The following PPP1R12A variants were observed in gnomAD, a reference collection of about 807,000 sequenced individuals.
PPP1R12A encodes protein phosphatase 1 regulatory subunit 12A, also known as myosin binding subunit.
In PPP1R12A, 19 loss-of-function variants were observed where a neutral mutation model predicts 139.6. The observed-to-expected ratio is 0.14, with a 90% CI of 0.09 to 0.20. The LOEUF (loss-of-function observed/expected upper bound fraction) is 0.20. Among genes scored for constraint, PPP1R12A ranks in the 10% least tolerant of loss-of-function variants. PPP1R12A has a pLI of 1.00. For missense variants in PPP1R12A, 925 were observed against 1,211.5 expected (o/e 0.76, Z 3.51); for synonymous variants, 427 against 420.6 (o/e 1.02, Z -0.19).
chr12:79,920,131 T>C (rs1887325092), intron 1 of PPP1R12A, among the ~76,000 whole-genome samples: 1 of 152,258 alleles, frequency 6.6e-6, no homozygotes, highest in Admixed American at 6.5e-5. Context: ...ATACACCATG[T>C]GGTCTTTTGT....
At chr12:79,797,139 G>T in intron 16 of PPP1R12A, 56 bp downstream of exon 16, 3 of 1,421,914 alleles carry the variant, frequency 2.1e-6, no homozygotes, top group Non-Finnish European at 2.9e-6. Context: ...GTATGTTAAG[G>T]ATCATAAGGA....
chr12:79,867,677 C>A (rs937421554), intron 2 of PPP1R12A, among the ~76,000 whole-genome samples: 3 of 152,024 alleles, frequency 2.0e-5, no homozygotes, highest in African/African-American at 7.2e-5. Flanking sequence ...TGTGTCCTTA[C>A]CCAAATCTCA....
intron 4 of PPP1R12A, among the ~76,000 whole-genome samples, chr12:79,830,406 C>T (rs1409016112): frequency 1.3e-5 from 2 of 151,992 alleles, no homozygotes; most frequent in East Asian, 1.9e-4. Context: ...AAGCATATAC[C>T]ATAATTTATT....
intron 1 of PPP1R12A, among the ~76,000 whole-genome samples, chr12:79,922,669 A>C (rs1887528378): frequency 6.6e-6 from 1 of 152,038 alleles, no homozygotes; most frequent in Non-Finnish European, 1.5e-5. Flanking sequence ...GGACCATCAC[A>C]CACTGGGGCC....
At chr12:79,817,330 G>C in intron 9 of PPP1R12A, 64 bp downstream of exon 9, 1 of 1,462,120 alleles carries the variant, frequency 6.8e-7, no homozygotes, top group Non-Finnish European at 9.3e-7. Context: ...TTACTTTAAT[G>C]AGTTAGTCCA....
At chr12:79,890,697 T>C (rs747929935) in intron 1 of PPP1R12A, among the ~76,000 whole-genome samples, 77 of 152,240 alleles carry the variant, frequency 5.1e-4, no homozygotes, top group Middle Eastern at 3.4e-3. Context: ...AACTTACTTT[T>C]TAACATAAAG....
At chr12:79,898,314 G>A (rs1468300758) in intron 1 of PPP1R12A, among the ~76,000 whole-genome samples, 1 of 152,108 alleles carries the variant, frequency 6.6e-6, no homozygotes. Context: ...AAATTAGCCA[G>A]GTGTGGCGGT....
At chr12:79,931,372 C>A (rs1282869466) in intron 1 of PPP1R12A, among the ~76,000 whole-genome samples, 1 of 151,960 alleles carries the variant, frequency 6.6e-6, no homozygotes, top group African/African-American at 2.4e-5. Flanking sequence ...CAATACATAA[C>A]CCCAAAAAAT....
intron 1 of PPP1R12A, among the ~76,000 whole-genome samples, chr12:79,905,087 C>T (rs1209917828): frequency 6.6e-6 from 1 of 152,076 alleles, no homozygotes; most frequent in African/African-American, 2.4e-5. Flanking sequence ...TATTAAAATA[C>T]CTTTCTTCAC....
intron 22 of PPP1R12A, among the ~76,000 whole-genome samples, chr12:79,783,478 A>AC: frequency 6.6e-6 from 1 of 152,218 alleles, no homozygotes; most frequent in South Asian, 2.1e-4. Context: ...CATTAAAAAA[A>AC]ATAATAATTC....
intron 1 of PPP1R12A, among the ~76,000 whole-genome samples, chr12:79,885,664 A>G (rs1884036575): frequency 6.6e-6 from 1 of 152,190 alleles, no homozygotes; most frequent in African/African-American, 2.4e-5. Flanking sequence ...GAGCAAAGCA[A>G]AAGAAAAGAG....
At chr12:79,913,608 C>T (rs79187501) in intron 1 of PPP1R12A, among the ~76,000 whole-genome samples, 3 of 152,164 alleles carry the variant, frequency 2.0e-5, no homozygotes, top group Admixed American at 1.3e-4. Flanking sequence ...CCATCAGAGT[C>T]GGTCAGTCCT....
At chr12:79,915,476 A>G (rs544397032) in intron 1 of PPP1R12A, among the ~76,000 whole-genome samples, 4 of 152,074 alleles carry the variant, frequency 2.6e-5, no homozygotes, top group Admixed American at 6.5e-5. Context: ...GCTTAACACT[A>G]TTTTTGCTTT....
At chr12:79,890,448 A>C (rs1461703083) in intron 1 of PPP1R12A, among the ~76,000 whole-genome samples, 1 of 152,190 alleles carries the variant, frequency 6.6e-6, no homozygotes, top group Non-Finnish European at 1.5e-5. Context: ...AAATGTTTTC[A>C]GGCCTATCTT....
intron 1 of PPP1R12A, among the ~76,000 whole-genome samples, chr12:79,896,043 C>T (rs1885101336): frequency 6.6e-6 from 1 of 151,576 alleles, no homozygotes; most frequent in South Asian, 2.1e-4. Flanking sequence ...AAATAGAGAA[C>T]ATTTAATATT....
chr12:79,790,793 C>T (rs1160863387), intron 19 of PPP1R12A, among the ~76,000 whole-genome samples: 2 of 152,136 alleles, frequency 1.3e-5, no homozygotes, highest in East Asian at 3.8e-4. Context: ...AACAGTCTTA[C>T]TGGGGGCCAA....
chr12:79,781,312 T>C (rs921639077), intron 23 of PPP1R12A, among the ~76,000 whole-genome samples: 1 of 152,132 alleles, frequency 6.6e-6, no homozygotes, highest in Non-Finnish European at 1.5e-5. Flanking sequence ...TTGTTTAAAA[T>C]AGCCTACTTA....
In PPP1R12A at chr12:79,774,427, TATACA is replaced by T. The variant is rs768980881; in HGVS notation, c.*1497_*1501del. Reference sequence around the variant, plus strand: ...GGGTACAAATTCACATTTAATATAGTATACAATACAATCAATAATACAATCAGCTA... The same window carrying T: ...GGGTACAAATTCACATTTAATATAGTATACAATCAATAATACAATCAGCTA... On this transcript the variant is annotated 3_prime_UTR_variant, in exon 25 of 25. Coordinates refer to ENST00000450142, the MANE Select transcript of PPP1R12A (RefSeq NM_002480.3). The T allele has an allele frequency of 2.0e-5, 3 of 152,522 alleles. No individual in the cohort carries two copies. Among genetic ancestry groups the T allele is most frequent in the Non-Finnish European group, 2.9e-5 (2 of 67,978 alleles). The allele number at this position is 152,522 out of a possible 1,614,324, so 9.4% of individuals were successfully genotyped here.
intron 11 of PPP1R12A, 21 bp from the exon 12 acceptor site, chr12:79,807,351 A>G (rs1397996303): frequency 1.4e-6 from 2 of 1,383,460 alleles, no homozygotes; most frequent in Non-Finnish European, 2.0e-6. Flanking sequence ...AACACCCTTC[A>G]GATTCTGGTA....
Sources: allele counts gnomAD v4.1 joint callset (sites outside exome capture counted in the v4.1 genomes callset), GRCh38; gene constraint gnomAD v4.1.1; transcripts MANE v1.5; gene names NCBI Gene and HGNC (gene_info 2026-07-23, HGNC 2026-07-21).